Variants in OSBPL8 observed in about 807,000 individuals in gnomAD.
OSBPL8 encodes the protein oxysterol binding protein like 8.
OSBPL8 carries 59 observed loss-of-function variants against 125.5 expected under a neutral mutation model. That is an observed-to-expected ratio of 0.47 (90% CI 0.38 to 0.58). The LOEUF is 0.58. Ranked by LOEUF, OSBPL8 falls within the 20% of genes least tolerant of loss-of-function variation. The probability of loss-of-function intolerance (pLI) is 0.00; values close to 1 mark genes in which losing one functional copy is unlikely to be tolerated. For synonymous variants in OSBPL8, 330 were observed against 338.9 expected (o/e 0.97, Z 0.29); for missense variants, 758 against 1,047.8 (o/e 0.72, Z 3.82).
chr12:76,427,657 T>C (rs1870309334), intron 4 of OSBPL8, among the ~76,000 whole-genome samples: 1 of 152,064 alleles, frequency 6.6e-6, no homozygotes, highest in African/African-American at 2.4e-5. Flanking sequence ...GTGATTTCAA[T>C]TTAATTTCAG....
intron 1 of OSBPL8, among the ~76,000 whole-genome samples, chr12:76,553,707 A>G (rs1397189173): frequency 1.3e-5 from 2 of 150,748 alleles, no homozygotes; most frequent in Non-Finnish European, 1.5e-5. Context: ...CAGAGGAGGT[A>G]GCTCACGCCT....
chr12:76,471,316 T>C (rs1239380859), intron 2 of OSBPL8, among the ~76,000 whole-genome samples: 1 of 152,210 alleles, frequency 6.6e-6, no homozygotes, highest in Non-Finnish European at 1.5e-5. Context: ...CTTCCCTTTC[T>C]CTGCCCCTGC....
At chr12:76,481,377 G>T (rs945424568) in intron 2 of OSBPL8, among the ~76,000 whole-genome samples, 1 of 152,146 alleles carries the variant, frequency 6.6e-6, no homozygotes, top group Non-Finnish European at 1.5e-5. Flanking sequence ...ATGCACAAAT[G>T]CCTTAGAGGC....
At chr12:76,532,921 T>C (rs1229773227) in intron 1 of OSBPL8, among the ~76,000 whole-genome samples, 2 of 152,214 alleles carry the variant, frequency 1.3e-5, no homozygotes, top group South Asian at 2.1e-4. Flanking sequence ...CCATTTTTCA[T>C]CTTGGAAGAA....
chr12:76,483,247 C>T (rs1327455748), intron 2 of OSBPL8, among the ~76,000 whole-genome samples: 6 of 151,582 alleles, frequency 4.0e-5, no homozygotes, highest in East Asian at 1.9e-4. Context: ...GGTGACAGAG[C>T]GAGACTCTGT....
Position 76,373,393 on chromosome 12 carries a change from C to G in OSBPL8, c.1868G>C (p.Gly623Ala). The change falls in exon 18 of 24, where the codon GGG becomes GCG. Residue 623 changes from glycine (G) to alanine (A), a missense_variant. This residue lies in a region of OSBPL8 where 572 missense variants were observed against 762.0 expected (regional missense o/e 0.75). Transcript: ENST00000261183. ...GSSDCVNQISGKLKLGKEVLA... is the reference protein window; with the variant it reads ...GSSDCVNQISAKLKLGKEVLA... Reference sequence around the variant, plus strand: ...GACTTCTTTTCCCAGTTTAAGTTTCCCTGATATTTGATTAACACAGTCACT... The same window carrying G: ...GACTTCTTTTCCCAGTTTAAGTTTCGCTGATATTTGATTAACACAGTCACT... 1 of 1,609,228 alleles carries G rather than the reference C, an allele frequency of 6.2e-7. No individual in the cohort carries two copies. Among genetic ancestry groups the G allele is most frequent in the Non-Finnish European group, 8.5e-7 (1 of 1,177,166 alleles).
chr12:76,363,866 A>T lies in OSBPL8; in HGVS notation c.2329-5055T>A, dbSNP rs1592523442. Among the ~76,000 whole-genome samples, 3 of 152,260 alleles carry T rather than the reference A, an allele frequency of 2.0e-5. No individual in the cohort carries two copies. In the South Asian group the frequency reaches 6.2e-4, roughly 31 times the overall value. ...AAAGGATATGAACAGACACTTTTCAAAAGAAGACATTTATGCAGCCAACAA... is the reference window on the plus strand; with the variant it reads ...AAAGGATATGAACAGACACTTTTCATAAGAAGACATTTATGCAGCCAACAA... On this transcript the variant is annotated intron_variant, in intron 21 of 23. Transcript: ENST00000261183.
chr12:76,399,647 T>A (rs1230303340), intron 7 of OSBPL8, among the ~76,000 whole-genome samples: 3 of 152,204 alleles, frequency 2.0e-5, no homozygotes, highest in Non-Finnish European at 4.4e-5. Flanking sequence ...AAAAGAACTA[T>A]ACTGTATGTA....
intron 4 of OSBPL8, among the ~76,000 whole-genome samples, chr12:76,445,410 T>C (rs1872629503): frequency 1.3e-5 from 2 of 152,244 alleles, no homozygotes; most frequent in South Asian, 4.1e-4. Context: ...CATCTGCTCT[T>C]AGAAAGAAAG....
chr12:76,393,354 T>G (rs932312507), intron 9 of OSBPL8, among the ~76,000 whole-genome samples: 5 of 152,224 alleles, frequency 3.3e-5, no homozygotes, highest in Non-Finnish European at 7.3e-5. Flanking sequence ...CTTCAAGATT[T>G]GCTGGGAATA....
At chr12:76,357,154 A>G (rs1302512036) in intron 22 of OSBPL8, among the ~76,000 whole-genome samples, 2 of 152,096 alleles carry the variant, frequency 1.3e-5, no homozygotes, top group Non-Finnish European at 2.9e-5. Context: ...GCAAATTTTT[A>G]CTGCCAATCA....
chr12:76,396,407 C>T (rs1477413322), intron 8 of OSBPL8, among the ~76,000 whole-genome samples: 1 of 152,116 alleles, frequency 6.6e-6, no homozygotes, highest in East Asian at 1.9e-4. Context: ...GAAATTCTAC[C>T]TTCTTTATTC....
chr12:76,460,008 G>T, intron 2 of OSBPL8, 113 bp from the exon 3 acceptor site: 1 of 987,296 alleles, frequency 1.0e-6, no homozygotes, highest in Non-Finnish European at 1.6e-6. Context: ...AATAGCATTA[G>T]TTTATAAGTA....
chr12:76,467,928 AG>A (rs1219021194), intron 2 of OSBPL8, among the ~76,000 whole-genome samples: 1 of 152,196 alleles, frequency 6.6e-6, no homozygotes, highest in African/African-American at 2.4e-5. Flanking sequence ...CCCATTCTTC[AG>A]GCTATCCCAT....
At chr12:76,540,832 A>T (rs993960976) in intron 1 of OSBPL8, among the ~76,000 whole-genome samples, 2 of 152,196 alleles carry the variant, frequency 1.3e-5, no homozygotes, top group Non-Finnish European at 2.9e-5. Context: ...TACTTTTCAC[A>T]TCAAATGTGG....
chr12:76,451,074 C>G, intron 3 of OSBPL8, 86 bp from the exon 4 acceptor site: 2 of 1,363,096 alleles, frequency 1.5e-6, no homozygotes, highest in Non-Finnish European at 2.0e-6. Flanking sequence ...AAGATCAAAA[C>G]TGAAATGGCC....
intron 1 of OSBPL8, among the ~76,000 whole-genome samples, chr12:76,524,622 G>T (rs958463581): frequency 6.7e-6 from 1 of 149,358 alleles, no homozygotes; most frequent in Non-Finnish European, 1.5e-5. Flanking sequence ...AGTTTTTTTT[G>T]GCAAAAAGAA....
intron 1 of OSBPL8, among the ~76,000 whole-genome samples, chr12:76,546,617 CA>C (rs1392669126): frequency 6.6e-6 from 1 of 151,810 alleles, no homozygotes; most frequent in Admixed American, 6.6e-5. Context: ...AAAAAAGTAT[CA>C]AAATTATAAA....
chr12:76,431,083 C>T (rs1870758473), intron 4 of OSBPL8, among the ~76,000 whole-genome samples: 1 of 151,782 alleles, frequency 6.6e-6, no homozygotes, highest in Non-Finnish European at 1.5e-5. Context: ...GAACACAATA[C>T]AGAAAGTAAA....
Sources: gnomAD v4.1 joint callset for allele counts (sites outside exome capture counted in the v4.1 genomes callset) on GRCh38, gnomAD v4.1.1 for gene constraint, gnomAD v4.1.1 regional missense constraint, MANE v1.5 for transcripts, NCBI Gene and HGNC (gene_info 2026-07-23, HGNC 2026-07-21) for gene names.